RGS3: variants seen among roughly 807,000 people sequenced by gnomAD.
RGS3 encodes the protein regulator of G protein signaling 3, also known as regulator of G-protein signalling 3.
RGS3 carries 80 observed loss-of-function variants against 132.6 expected under a neutral mutation model. That is an observed-to-expected ratio of 0.60 (90% CI 0.50 to 0.73). The LOEUF is 0.73. Among genes scored for constraint, RGS3 ranks in the 30% least tolerant of loss-of-function variants. The probability of loss-of-function intolerance (pLI) is 0.00; values close to 1 mark genes in which losing one functional copy is unlikely to be tolerated. For synonymous variants in RGS3, 598 were observed against 620.6 expected (o/e 0.96, Z 0.54); for missense variants, 1,382 against 1,530.8 (o/e 0.90, Z 1.62).
intron 21 of RGS3, chr9:113,593,696 G>T: frequency 1.7e-6 from 1 of 574,968 alleles, no homozygotes; most frequent in Non-Finnish European, 3.1e-6. Flanking sequence ...GGAAAAGAGG[G>T]GCGAACATGA....
intron 17 of RGS3, among the ~76,000 whole-genome samples, chr9:113,527,431 C>G (rs972975883): frequency 3.3e-5 from 5 of 152,128 alleles, no homozygotes; most frequent in African/African-American, 1.2e-4. Context: ...CAAAAGAAAC[C>G]ACCTCCTCTT....
rs1039817398 is a variant in RGS3, at chr9:113,579,401, A to C, written c.2038-4049A>C. Among the ~76,000 whole-genome samples the C allele has an allele frequency of 5.3e-5, 8 of 152,000 alleles. No homozygotes were observed. Among genetic ancestry groups the C allele is most frequent in the African/African-American group, 1.7e-4 (7 of 41,360 alleles). On this transcript the variant is annotated intron_variant, in intron 19 of 24. Coordinates refer to ENST00000350696, the Ensembl canonical transcript of RGS3. This position sits in a 1 kb window ranked among gnomAD's most constrained non-coding sequence, Gnocchi z 4.3. ...GGATTTGATTAGGTCCTAAACAGTG[A>C]CTCCATTTAGAGGGCCTGGTTCATT...
chr9:113,560,185 G>A (rs1368735334), intron 19 of RGS3, among the ~76,000 whole-genome samples: 1 of 152,202 alleles, frequency 6.6e-6, no homozygotes, highest in East Asian at 1.9e-4. Context: ...GTCCATGGGA[G>A]GGGAGGAGTA....
intron 19 of RGS3, among the ~76,000 whole-genome samples, chr9:113,557,142 G>C: frequency 6.6e-6 from 1 of 152,268 alleles, no homozygotes; most frequent in East Asian, 1.9e-4. Flanking sequence ...CCAATTGCAA[G>C]TGACAAATAC....
intron 18 of RGS3, among the ~76,000 whole-genome samples, chr9:113,533,233 GT>G (rs796998306): frequency 8.2e-4 from 114 of 139,582 alleles, no homozygotes; most frequent in Admixed American, 1.3e-3. Context: ...GGAAAATTCT[GT>G]TTTTTTTTTT....
At chr9:113,469,543 TACAG>T (rs759320973) in intron 3 of RGS3, among the ~76,000 whole-genome samples, 3 of 152,066 alleles carry the variant, frequency 2.0e-5, no homozygotes, top group South Asian at 2.1e-4. Context: ...TGAAATATTA[TACAG>T]ACAGACAGAA....
chr9:113,463,746 G>T lies in RGS3; in HGVS notation c.415+1545G>T, dbSNP rs1458283569. On this transcript the variant is annotated intron_variant, in intron 3 of 24. Coordinates refer to ENST00000350696, the Ensembl canonical transcript of RGS3. This position sits in a 1 kb window ranked among gnomAD's most constrained non-coding sequence, Gnocchi z 4.6. ...CGCCCTGGAGACTCCGGTTACTGGG[G>T]AGCAACACAGCCGCCTCGGGTTGCA... is the stretch of plus-strand genomic sequence containing the variant. The T allele has an allele frequency of 1.3e-6, 2 of 1,547,874 alleles. No homozygotes were observed. Among genetic ancestry groups the T allele is most frequent in the East Asian group, 4.7e-5 (2 of 42,380 alleles).
At chr9:113,499,963 C>T in intron 10 of RGS3, among the ~76,000 whole-genome samples, 1 of 152,222 alleles carries the variant, frequency 6.6e-6, no homozygotes, top group East Asian at 1.9e-4. Flanking sequence ...TTCCTCCTCT[C>T]TTTCTACTTG....
At chr9:113,468,181 T>A (rs1257615296) in intron 3 of RGS3, among the ~76,000 whole-genome samples, 1 of 152,262 alleles carries the variant, frequency 6.6e-6, no homozygotes, top group Non-Finnish European at 1.5e-5. Context: ...GTTTTATAGT[T>A]TTGGCTCTTA....
At position 113,488,030 on chromosome 9, in the gene RGS3, A is replaced by G. The variant is rs541885938; in HGVS notation, c.689+2337A>G. Among the ~76,000 whole-genome samples, 4 of 152,330 alleles carry G rather than the reference A, an allele frequency of 2.6e-5. No homozygotes were observed. In the East Asian group the frequency reaches 7.7e-4, roughly 29 times the overall value. ...GGGAGATACTGAAGTGTGTCAAGCC[A>G]GGGAATGATGGATGCACATTCTAGA... On this transcript the variant is annotated intron_variant, in intron 7 of 24. Transcript: ENST00000350696.
chr9:113,469,491 C>T (rs990460885), intron 3 of RGS3, among the ~76,000 whole-genome samples: 1 of 152,016 alleles, frequency 6.6e-6, no homozygotes, highest in African/African-American at 2.4e-5. Context: ...TCCTCTTTTC[C>T]CATTCTGCTT....
At chr9:113,447,329 G>GTATATATGTGTATATATATATATATA (rs1305095004) in intron 1 of RGS3, among the ~76,000 whole-genome samples, 8 of 27,558 alleles carry the variant, frequency 2.9e-4, no homozygotes, top group African/African-American at 6.9e-4. Context: ...GTATGTATAT[G>GTATATATGTGTATATATATATATATA]TATATATATA....
chr9:113,531,533 T>C (rs879536970), intron 18 of RGS3, among the ~76,000 whole-genome samples: 33 of 152,254 alleles, frequency 2.2e-4, no homozygotes, highest in Admixed American at 1.6e-3. Flanking sequence ...AAATGGTAGC[T>C]ATTGTTATTG....
In RGS3 at chr9:113,565,779, G is replaced by A. The variant is rs1833973339; in HGVS notation, c.2038-17671G>A. 5.0e-6 allele frequency: 1 copy of A among 199,078 alleles called. No individual in the cohort carries two copies. Among genetic ancestry groups the A allele is most frequent in the Non-Finnish European group, 1.0e-5 (1 of 95,336 alleles). 12.3% of individuals were successfully genotyped at this position (199,078 alleles called of 1,614,324 possible). On this transcript the variant is annotated intron_variant, in intron 19 of 24. Transcript: ENST00000350696. The surrounding 1 kb of genome is among the most constrained non-coding windows in gnomAD (Gnocchi z 5.7). ...GTGTGTGTGGTGGGCGGGCATCCAA[G>A]CCACCCTGTGCCCCTGTTTCTATTG... is the stretch of plus-strand genomic sequence containing the variant.
intron 19 of RGS3, among the ~76,000 whole-genome samples, chr9:113,580,433 G>C (rs957772373): frequency 3.1e-4 from 47 of 152,192 alleles, no homozygotes; most frequent in Admixed American, 3.1e-3. Context: ...TGTATCAAAA[G>C]CTTTTCCAGG....
exon 20 of RGS3, chr9:113,583,464 G>A: frequency 6.2e-7 from 1 of 1,614,198 alleles, no homozygotes; most frequent in Non-Finnish European, 8.5e-7. Flanking sequence ...TTGAGACGGA[G>A]GCAGATGAGA....
intron 23 of RGS3, 140 bp downstream of exon 21, chr9:113,595,120 G>C: frequency 2.5e-6 from 2 of 805,206 alleles, no homozygotes; most frequent in Non-Finnish European, 4.1e-6. Context: ...TTGCGGAGGG[G>C]CTGAGCCCAA....
intron 1 of RGS3, among the ~76,000 whole-genome samples, chr9:113,445,290 C>T (rs774364076): frequency 1.1e-4 from 16 of 151,962 alleles, no homozygotes; most frequent in African/African-American, 2.4e-4. Flanking sequence ...CTCCGCCTCC[C>T]GGGTTCAAGC....
At chr9:113,477,648 A>G (rs1236373652) in intron 3 of RGS3, among the ~76,000 whole-genome samples, 1 of 152,234 alleles carries the variant, frequency 6.6e-6, no homozygotes, top group African/African-American at 2.4e-5. Context: ...GTTCAGGTCT[A>G]GAGGAAAGAG....
Sources: allele counts gnomAD v4.1 joint callset (sites outside exome capture counted in the v4.1 genomes callset), GRCh38; gene constraint gnomAD v4.1.1; non-coding constraint Gnocchi (gnomAD v3.1); transcripts MANE v1.5; gene names NCBI Gene and HGNC (gene_info 2026-07-23, HGNC 2026-07-21).